Variants in NCAPD3 observed in about 807,000 individuals in gnomAD.
NCAPD3 encodes non-SMC condensin II complex subunit D3, also known as condensin-2 complex subunit D3.
Under a neutral mutation model 182.9 loss-of-function variants are expected in NCAPD3, and 105 were observed. The ratio of observed to expected loss-of-function variants is 0.57; its 90% confidence interval spans 0.49 to 0.68. NCAPD3 has a LOEUF of 0.68. NCAPD3 is among the 30% of genes least tolerant of loss of function. The pLI, the probability that NCAPD3 is intolerant of heterozygous loss-of-function variation, is 0.00. For synonymous variants in NCAPD3, 815 were observed against 679.9 expected, an observed-to-expected ratio of 1.20 and a Z score of -3.09; for missense variants, 1,944 against 1,837.0, an observed-to-expected ratio of 1.06 and a Z score of -1.07.
chr11:134,220,085 T>C (rs1320100387), intron 2 of NCAPD3, among the ~76,000 whole-genome samples: 2 of 152,168 alleles, frequency 1.3e-5, no homozygotes, highest in Non-Finnish European at 2.9e-5. Flanking sequence ...TGAGCCACCA[T>C]GCCTGGTCGC....
At chr11:134,194,620 A>T in intron 14 of NCAPD3, 45 bp downstream of exon 14, 1 of 1,392,396 alleles carries the variant, frequency 7.2e-7, no homozygotes, top group Non-Finnish European at 9.9e-7. Context: ...TGCATTTCCA[A>T]GTTTTTAGTG....
Position 134,193,433 on chromosome 11 carries a change from A to C in NCAPD3, c.1825-524T>G, listed in dbSNP as rs191317193. ...TCTAGCTTAACCAAATCAATTTTAA[A>C]TTTTATTTTTCTGTGTGAGATTTAA... On this transcript the variant is annotated intron_variant, in intron 15 of 34. Transcript: ENST00000534548. 1.8e-3 allele frequency among the ~76,000 whole-genome samples: 278 copies of C among 152,284 alleles called. 1 individual carries two copies. Among genetic ancestry groups the C allele is most frequent in the Non-Finnish European group, 3.0e-3 (205 of 68,030 alleles).
chr11:134,165,630 G>C (rs745838025), intron 27 of NCAPD3, among the ~76,000 whole-genome samples: 1 of 142,036 alleles, frequency 7.0e-6, no homozygotes, highest in South Asian at 2.4e-4. Flanking sequence ...CGTGAGATGA[G>C]CTTAGGGGAG....
chr11:134,180,479 T>G (rs1237051924), intron 20 of NCAPD3, among the ~76,000 whole-genome samples: 3 of 152,172 alleles, frequency 2.0e-5, no homozygotes, highest in Non-Finnish European at 4.4e-5. Context: ...TTATCCCCAG[T>G]CAGCCACTGA....
chr11:134,167,461 C>A (rs866703774), intron 27 of NCAPD3, among the ~76,000 whole-genome samples: 9 of 76,170 alleles, frequency 1.2e-4, no homozygotes, highest in South Asian at 4.8e-4. Context: ...TTAGGGGAGG[C>A]GCACACTCAC....
At chr11:134,196,739 C>A (rs1166662560) in intron 13 of NCAPD3, among the ~76,000 whole-genome samples, 2 of 151,852 alleles carry the variant, frequency 1.3e-5, no homozygotes, top group Non-Finnish European at 2.9e-5. Context: ...CACACCCCTT[C>A]CTAAGGACCA....
At chr11:134,220,397 GC>G (rs1213304683) in intron 2 of NCAPD3, among the ~76,000 whole-genome samples, 174 bp downstream of exon 2, 1 of 151,244 alleles carries the variant, frequency 6.6e-6, no homozygotes, top group African/African-American at 2.4e-5. Flanking sequence ...GTACCTTGAA[GC>G]TTTTGGAGGA....
At chr11:134,175,902 T>C (rs1429604497) in intron 24 of NCAPD3, among the ~76,000 whole-genome samples, 1 of 152,140 alleles carries the variant, frequency 6.6e-6, no homozygotes, top group Admixed American at 6.5e-5. Flanking sequence ...GTTTCCTCCT[T>C]AAAATTTCTG....
rs367845141 is a variant in NCAPD3, at chr11:134,208,901, T to C, written c.845A>G (p.Tyr282Cys). The change falls in exon 7 of 35, where the codon TAT becomes TGT. Residue 282 changes from tyrosine (Y) to cysteine (C), a missense_variant. This residue lies in a region of NCAPD3 where 1,803 missense variants were observed against 1,674.6 expected (regional missense o/e 1.08). Transcript: ENST00000534548. Reference sequence around the variant, plus strand: ...TCCATGAATGGGAGAGCACAGCAAATACAATCCATAATAAGCCAGTTCTGG... The same window carrying C: ...TCCATGAATGGGAGAGCACAGCAAACACAATCCATAATAAGCCAGTTCTGG... ...YIPELAYYGL[Y>C]LLCSPIHGEG... is the part of the protein sequence containing the mutation. 3.5e-5 allele frequency: 57 copies of C among 1,612,836 alleles called. No homozygotes were observed. The highest frequency in any genetic ancestry group is 4.6e-5 in the Non-Finnish European group (54 of 1,179,678).
chr11:134,177,371 C>T lies in NCAPD3; in HGVS notation c.2869G>A (p.Val957Ile). Residue 957 changes from valine (V) to isoleucine (I), a missense_variant, in exon 23 of 35, where the codon GTC becomes ATC. This residue lies in a region of NCAPD3 where 1,803 missense variants were observed against 1,674.6 expected (regional missense o/e 1.08). Transcript: ENST00000534548. ...ATTACAATGATGACGTTGTTGCGGACAGCCACGTCCTCACACACCTCGAGC... is the reference window on the plus strand; with the variant it reads ...ATTACAATGATGACGTTGTTGCGGATAGCCACGTCCTCACACACCTCGAGC... ...RELEVCEDVA[V>I]RNNVIIVMCD... 1 of 1,614,264 alleles carries T rather than the reference C, an allele frequency of 6.2e-7. No homozygotes were observed. Among genetic ancestry groups the T allele is most frequent in the East Asian group, 2.2e-5 (1 of 44,886 alleles).
intron 7 of NCAPD3, among the ~76,000 whole-genome samples, chr11:134,208,292 T>C (rs1937694571): frequency 6.6e-6 from 1 of 152,248 alleles, no homozygotes; most frequent in South Asian, 2.1e-4. Context: ...AACAGCATCA[T>C]GCGCAACTAA....
Position 134,158,617 on chromosome 11 carries a change from T to A in NCAPD3, c.3868-122A>T, listed in dbSNP as rs917189915. 4 of 1,062,160 alleles carry A rather than the reference T, an allele frequency of 3.8e-6. No individual in the cohort carries two copies. In the African/African-American group the frequency reaches 6.3e-5, roughly 17 times the overall value. The allele number at this position is 1,062,160 out of a possible 1,614,324, so 65.8% of individuals were successfully genotyped here. A position where few individuals can be genotyped will look rare whatever the true frequency, so the allele number is the denominator to read the frequency against. On this transcript the variant is annotated intron_variant, in intron 29 of 34. Transcript: ENST00000534548. ...ATTTTGATACATGTGGACAACGTAA[T>A]GATCAAATCAGGGTAATTGGCATCT...
At chr11:134,187,240 C>T (rs1013647092) in intron 16 of NCAPD3, among the ~76,000 whole-genome samples, 8 of 152,136 alleles carry the variant, frequency 5.3e-5, no homozygotes, top group Non-Finnish European at 1.2e-4. Context: ...ACTACTCTTG[C>T]GCTGAGACTC....
chr11:134,181,749 T>A (rs1168910577), intron 19 of NCAPD3, among the ~76,000 whole-genome samples: 1 of 152,186 alleles, frequency 6.6e-6, no homozygotes, highest in Non-Finnish European at 1.5e-5. Flanking sequence ...CATTCTAGAA[T>A]TCTTGGACCT....
In NCAPD3 at chr11:134,184,693, C is replaced by G. The variant is rs377523013; in HGVS notation, c.2395G>C (p.Val799Leu). ...CTACAAAGCCTCTGCAAGGCGTCAA[C>G]AGCTGAACTGATCACCTCTAGAGAC... ...QWSLEVISSAVDALQRLCRAS... is the reference protein window; with the variant it reads ...QWSLEVISSALDALQRLCRAS... Residue 799 changes from valine to leucine, a missense_variant, in exon 19 of 35, where the codon GTT (valine) becomes CTT (leucine). This residue lies in a region of NCAPD3 where 1,803 missense variants were observed against 1,674.6 expected (regional missense o/e 1.08). Coordinates refer to ENST00000534548, the MANE Select transcript of NCAPD3 (RefSeq NM_015261.3). The G allele has an allele frequency of 3.1e-6, 5 of 1,614,076 alleles. No homozygotes were observed. The highest frequency in any genetic ancestry group is 4.2e-6 in the Non-Finnish European group (5 of 1,179,994).
At chr11:134,185,587 T>C in intron 16 of NCAPD3, 61 bp from the exon 17 acceptor site, 1 of 1,373,752 alleles carries the variant, frequency 7.3e-7, no homozygotes, top group Non-Finnish European at 9.9e-7. Context: ...ATGATTCAGA[T>C]GGGAGCCTCA....
intron 13 of NCAPD3, among the ~76,000 whole-genome samples, chr11:134,201,166 GGT>G: frequency 6.6e-6 from 1 of 152,056 alleles, no homozygotes; most frequent in South Asian, 2.1e-4. Flanking sequence ...TGGGACTACA[GGT>G]GTGTGCCACC....
chr11:134,214,837 A>G (rs1937958311), intron 3 of NCAPD3, among the ~76,000 whole-genome samples: 1 of 152,222 alleles, frequency 6.6e-6, no homozygotes, highest in African/African-American at 2.4e-5. Context: ...TCCAAAATAC[A>G]GAAGAGAAGG....
chr11:134,169,192 C>T, intron 24 of NCAPD3, 138 bp from the exon 25 acceptor site: 1 of 783,924 alleles, frequency 1.3e-6, no homozygotes, highest in Non-Finnish European at 1.8e-6. Flanking sequence ...TAAACAGTTC[C>T]CTCGGATCCA....
Sources: allele counts gnomAD v4.1 joint callset (sites outside exome capture counted in the v4.1 genomes callset), GRCh38; gene constraint gnomAD v4.1.1; regional missense constraint gnomAD v4.1.1; transcripts MANE v1.5; gene names NCBI Gene and HGNC (gene_info 2026-07-23, HGNC 2026-07-21).